HHAT: variants seen among roughly 807,000 people sequenced by gnomAD.
HHAT encodes hedgehog acyltransferase, also known as protein-cysteine N-palmitoyltransferase HHAT.
Under a neutral mutation model 70.8 loss-of-function variants are expected in HHAT, and 47 were observed. The ratio of observed to expected loss-of-function variants is 0.66; its 90% CI spans 0.53 to 0.85. The LOEUF is 0.85. Among genes scored for constraint, HHAT ranks in the 40% least tolerant of loss-of-function variants. The probability of loss-of-function intolerance (pLI) is 0.00; values close to 1 mark genes in which losing one functional copy is unlikely to be tolerated. For synonymous variants in HHAT, 228 were observed against 247.6 expected, an observed-to-expected ratio of 0.92 and a Z score of 0.74; for missense variants, 609 against 604.8, an observed-to-expected ratio of 1.01 and a Z score of -0.07.
At chr1:210,333,121 C>T (rs1004746866) in intron 1 of HHAT, among the ~76,000 whole-genome samples, 1 of 152,196 alleles carries the variant, frequency 6.6e-6, no homozygotes. Flanking sequence ...AGTACATCAA[C>T]TCACTTGCCA....
chr1:210,629,705 A>ATGCC (rs1223607713), intron 11 of HHAT, among the ~76,000 whole-genome samples: 1 of 152,078 alleles, frequency 6.6e-6, no homozygotes, highest in Non-Finnish European at 1.5e-5. Flanking sequence ...CTTTTGGCTC[A>ATGCC]TGCCTTCCTT....
chr1:210,649,662 C>T (rs1674735273), intron 11 of HHAT, among the ~76,000 whole-genome samples: 1 of 152,226 alleles, frequency 6.6e-6, no homozygotes, highest in Admixed American at 6.5e-5. Flanking sequence ...CGAGAATGAC[C>T]TTGACCTGTC....
intron 10 of HHAT, among the ~76,000 whole-genome samples, chr1:210,610,683 AT>A (rs71571961): frequency 0.28 from 43,091 of 152,032 alleles, 7,660 homozygotes; most frequent in East Asian, 0.65. Flanking sequence ...TCTTGAATTA[AT>A]TTTTTATATG....
intron 8 of HHAT, among the ~76,000 whole-genome samples, chr1:210,465,731 A>C (rs924108832): frequency 6.6e-6 from 1 of 152,230 alleles, no homozygotes; most frequent in East Asian, 1.9e-4. Context: ...GGTAGTTAGC[A>C]CTCAACATCC....
At chr1:210,383,106 G>T (rs1029301987) in intron 3 of HHAT, among the ~76,000 whole-genome samples, 2 of 152,214 alleles carry the variant, frequency 1.3e-5, no homozygotes, top group African/African-American at 4.8e-5. Context: ...TTGGGAGGCT[G>T]AGGCTGGTGG....
At chr1:210,328,835 A>T, upstream of HHAT, 2 of 413,016 alleles carry the variant, frequency 4.8e-6, no homozygotes, top group Non-Finnish European at 8.2e-6. Flanking sequence ...CCCCTGCAGC[A>T]GCACGGCCTG....
At chr1:210,407,236 G>A (rs2092366342) in intron 6 of HHAT, among the ~76,000 whole-genome samples, 1 of 152,228 alleles carries the variant, frequency 6.6e-6, no homozygotes, top group African/African-American at 2.4e-5. Flanking sequence ...AAGAAAGCTA[G>A]TTGGAAGAAC....
intron 3 of HHAT, among the ~76,000 whole-genome samples, chr1:210,377,976 A>G (rs2090355423): frequency 6.6e-6 from 1 of 152,250 alleles, no homozygotes; most frequent in South Asian, 2.1e-4. Flanking sequence ...TCTTTAAGAA[A>G]GTATTGATTG....
At chr1:210,454,767 T>G (rs58296572) in intron 7 of HHAT, among the ~76,000 whole-genome samples, 1 of 152,346 alleles carries the variant, frequency 6.6e-6, no homozygotes, top group East Asian at 1.9e-4. Flanking sequence ...CAACACATCT[T>G]TCCTTTAAAG....
intron 9 of HHAT, among the ~76,000 whole-genome samples, chr1:210,556,298 T>G (rs556354563): frequency 6.6e-6 from 1 of 152,288 alleles, no homozygotes; most frequent in Admixed American, 6.5e-5. Flanking sequence ...AACAGAACCT[T>G]CCATCATTTG....
intron 7 of HHAT, among the ~76,000 whole-genome samples, chr1:210,419,063 C>T (rs2092813683): frequency 6.6e-6 from 1 of 151,994 alleles, no homozygotes; most frequent in Non-Finnish European, 1.5e-5. Context: ...GATCACACAG[C>T]CATAGGTTTG....
intron 9 of HHAT, among the ~76,000 whole-genome samples, chr1:210,553,904 G>T (rs545031118): frequency 5.3e-4 from 81 of 152,174 alleles, no homozygotes; most frequent in African/African-American, 1.8e-3. Flanking sequence ...TCCTGCCTGG[G>T]GCTGACATAT....
Position 210,328,965 on chromosome 1 carries a change from C to T in HHAT, c.-183C>T, listed in dbSNP as rs1013785870. The T allele has an allele frequency of 9.3e-6, 12 of 1,291,822 alleles. No individual in the cohort carries two copies. Among genetic ancestry groups the T allele is most frequent in the African/African-American group, 3.1e-5 (2 of 64,742 alleles). The allele number at this position is 1,291,822 out of a possible 1,614,324, so 80.0% of individuals were successfully genotyped here. ...GCGCTGCTCCTCCAAAGGGCAGCTC[C>T]GGGGGAAAGAGGGTGGCGTCCCGGG... On this transcript the variant is annotated 5_prime_UTR_variant, in exon 1 of 12. Coordinates refer to ENST00000261458, the MANE Select transcript of HHAT (RefSeq NM_018194.6).
intron 11 of HHAT, among the ~76,000 whole-genome samples, chr1:210,665,780 G>C (rs1465305251): frequency 1.3e-5 from 2 of 152,200 alleles, no homozygotes; most frequent in African/African-American, 4.8e-5. Flanking sequence ...GTGGCTTCAA[G>C]CAAGAATATC....
chr1:210,335,881 A>G (rs995210642), intron 1 of HHAT, among the ~76,000 whole-genome samples: 10 of 152,050 alleles, frequency 6.6e-5, no homozygotes, highest in African/African-American at 1.9e-4. Context: ...ATAGGCCACA[A>G]AAAGCACTAA....
At chr1:210,425,070 G>A (rs2093021319) in intron 7 of HHAT, among the ~76,000 whole-genome samples, 1 of 152,108 alleles carries the variant, frequency 6.6e-6, no homozygotes, top group African/African-American at 2.4e-5. Context: ...ATCTCATTGT[G>A]GTTTTGATTT....
At chr1:210,585,436 G>A (rs927556459) in intron 9 of HHAT, among the ~76,000 whole-genome samples, 1 of 151,706 alleles carries the variant, frequency 6.6e-6, no homozygotes, top group Non-Finnish European at 1.5e-5. Context: ...TTTTTGAGAC[G>A]GAGTCTTGCT....
At chr1:210,641,062 C>T (rs1672884139) in intron 11 of HHAT, among the ~76,000 whole-genome samples, 1 of 152,160 alleles carries the variant, frequency 6.6e-6, no homozygotes, top group Admixed American at 6.5e-5. Flanking sequence ...GGAACCTTAC[C>T]TTGTTCTTTA....
intron 1 of HHAT, among the ~76,000 whole-genome samples, chr1:210,341,559 G>A (rs1210058279): frequency 6.6e-6 from 1 of 152,148 alleles, no homozygotes; most frequent in East Asian, 1.9e-4. Flanking sequence ...CTCTGTCCGT[G>A]GGTAGATCGC....
Sources: gnomAD v4.1 joint callset for allele counts (sites outside exome capture counted in the v4.1 genomes callset) on GRCh38, gnomAD v4.1.1 for gene constraint, MANE v1.5 for transcripts, NCBI Gene and HGNC (gene_info 2026-07-23, HGNC 2026-07-21) for gene names.